TSNARE1: variants seen among roughly 807,000 people sequenced by gnomAD.
The protein encoded by TSNARE1 is t-SNARE domain containing 1.
A neutral mutation model predicts 62.0 loss-of-function variants in TSNARE1; 49 were observed. The observed-to-expected ratio is 0.79, with a 90% CI of 0.63 to 1.00. The LOEUF (loss-of-function observed/expected upper bound fraction) is 1.00, where lower values mean the gene tolerates loss of function less well. TSNARE1 is among the 50% of genes least tolerant of loss of function. TSNARE1 has a pLI of 0.00. For synonymous variants in TSNARE1, 328 were observed against 294.4 expected, an observed-to-expected ratio of 1.11 and a Z score of -1.17; for missense variants, 755 against 700.1, an observed-to-expected ratio of 1.08 and a Z score of -0.88.
At chr8:142,388,667 CTT>C (rs1375546652) in intron 1 of TSNARE1, among the ~76,000 whole-genome samples, 2 of 145,444 alleles carry the variant, frequency 1.4e-5, no homozygotes, top group South Asian at 2.2e-4. Flanking sequence ...AAATCATTCT[CTT>C]GACTCAGCCT....
chr8:142,271,779 G>C, intron 12 of TSNARE1: 1 of 925,164 alleles, frequency 1.1e-6, no homozygotes, highest in Non-Finnish European at 1.4e-6. Context: ...GAGTGCCCAT[G>C]TGAGGCCTCT....
intron 9 of TSNARE1, among the ~76,000 whole-genome samples, chr8:142,308,084 G>C (rs1024816024): frequency 1.3e-5 from 2 of 152,172 alleles, no homozygotes; most frequent in Middle Eastern, 3.2e-3. Context: ...TTTCAATAGA[G>C]TTGTCTGCCC....
chr8:142,305,432 G>C (rs1246838371), intron 9 of TSNARE1, among the ~76,000 whole-genome samples: 1 of 152,066 alleles, frequency 6.6e-6, no homozygotes, highest in African/African-American at 2.4e-5. Flanking sequence ...GGACACCCAG[G>C]AAGGCAGTCA....
chr8:142,391,068 GGGGGACTCTAACAGACGCTGTACACTGCT>G (rs1587133267), intron 1 of TSNARE1, among the ~76,000 whole-genome samples: 226 of 121,254 alleles, frequency 1.9e-3, no homozygotes, highest in Middle Eastern at 0.013. Context: ...TGTACACTGC[GGGGGACTCTAACAGACGCTGTACACTGCT>G]GGGGACTCTA....
At chr8:142,403,252 G>A (rs930785485), upstream of TSNARE1, 2 of 151,556 alleles carry the variant, frequency 1.3e-5, no homozygotes, top group Admixed American at 1.3e-4. Context: ...TCCCGGACGC[G>A]CGCGGGGACT....
At chr8:142,350,960 G>A (rs896433744) in intron 2 of TSNARE1, among the ~76,000 whole-genome samples, 4 of 152,230 alleles carry the variant, frequency 2.6e-5, no homozygotes, top group African/African-American at 9.6e-5. Context: ...CCTAGAGGCC[G>A]TCGGCCACTT....
chr8:142,288,610 C>T (rs893149056), intron 10 of TSNARE1, among the ~76,000 whole-genome samples: 10 of 152,228 alleles, frequency 6.6e-5, no homozygotes, highest in Non-Finnish European at 1.5e-4. Flanking sequence ...CCGGCACTCG[C>T]GGAGCCACCT....
At chr8:142,260,830 G>A (rs1818821934) in intron 12 of TSNARE1, among the ~76,000 whole-genome samples, 2 of 151,086 alleles carry the variant, frequency 1.3e-5, no homozygotes, top group Admixed American at 1.3e-4. Context: ...ATGTTCCACA[G>A]GGAGGGAGAC....
chr8:142,231,315 G>A (rs150978542), intron 12 of TSNARE1, among the ~76,000 whole-genome samples: 4 of 152,354 alleles, frequency 2.6e-5, no homozygotes, highest in African/African-American at 9.6e-5. Flanking sequence ...GCTTCACAGT[G>A]TGTGGCAGAT....
At chr8:142,381,990 C>T (rs942520453) in intron 1 of TSNARE1, among the ~76,000 whole-genome samples, 3 of 152,244 alleles carry the variant, frequency 2.0e-5, no homozygotes, top group Middle Eastern at 3.4e-3. Flanking sequence ...CCTCCTCTGA[C>T]GGGTACCTGA....
At chr8:142,251,239 C>T (rs1818147226) in intron 12 of TSNARE1, among the ~76,000 whole-genome samples, 1 of 151,626 alleles carries the variant, frequency 6.6e-6, no homozygotes, top group African/African-American at 2.4e-5. Context: ...GGCCCCCCTG[C>T]ACACCGCAGC....
At chr8:142,352,414 G>A (rs1219654196) in intron 2 of TSNARE1, among the ~76,000 whole-genome samples, 2 of 152,260 alleles carry the variant, frequency 1.3e-5, no homozygotes, top group African/African-American at 4.8e-5. Context: ...GAGGGCTCTG[G>A]GTGGGGCCCG....
rs78839994 is a variant in TSNARE1, at chr8:142,361,200, G to A, written c.-39-6437C>T. ...ACCTCTGACCCGGGCACCGTGGTGGGGACACAGCAGCTCCAGACAGGCCTG... is the reference window on the plus strand; with the variant it reads ...ACCTCTGACCCGGGCACCGTGGTGGAGACACAGCAGCTCCAGACAGGCCTG... On this transcript the variant is annotated intron_variant, in intron 1 of 13. Coordinates refer to ENST00000524325, the MANE Select transcript of TSNARE1 (RefSeq NM_145003.5). Among the ~76,000 whole-genome samples, 1,186 of 152,356 alleles carry A rather than the reference G, an allele frequency of 7.8e-3. 23 individuals are homozygous for A. The highest frequency in any genetic ancestry group is 0.027 in the African/African-American group (1,136 of 41,586).
At chr8:142,231,644 C>G (rs1404716086) in intron 12 of TSNARE1, among the ~76,000 whole-genome samples, 6 of 152,214 alleles carry the variant, frequency 3.9e-5, no homozygotes, top group African/African-American at 9.6e-5. Flanking sequence ...ATGGTCCCCT[C>G]ACCAGCATCG....
At chr8:142,359,172 T>G (rs1834972076) in intron 1 of TSNARE1, among the ~76,000 whole-genome samples, 1 of 151,986 alleles carries the variant, frequency 6.6e-6, no homozygotes, top group Non-Finnish European at 1.5e-5. Flanking sequence ...TCAACCCAGC[T>G]GTCCCACCGG....
intron 11 of TSNARE1, chr8:142,280,235 T>C (rs566349265): frequency 1.0e-6 from 1 of 985,292 alleles, no homozygotes; most frequent in African/African-American, 1.7e-5. Flanking sequence ...CGCAGGGGTG[T>C]GGAGCCCGGC....
rs550462525 is a variant in TSNARE1, at chr8:142,361,859, G to A, written c.-39-7096C>T. On this transcript the variant is annotated intron_variant, in intron 1 of 13. Transcript: ENST00000524325. ...AGTGGCCAGACCACAGCCAGACCCC[G>A]CTGCAGACCGCCGGGAGCCCTCAGC... Among the ~76,000 whole-genome samples the A allele has an allele frequency of 2.4e-4, 37 of 152,316 alleles. No homozygotes were observed. In the South Asian group the frequency reaches 7.0e-3, roughly 29 times the overall value.
chr8:142,241,223 ACAATGAACTATC>A (rs1173874215), intron 12 of TSNARE1, among the ~76,000 whole-genome samples: 2 of 152,226 alleles, frequency 1.3e-5, no homozygotes, highest in African/African-American at 4.8e-5. Flanking sequence ...CTATACACTA[ACAATGAACTATC>A]CACAAAAGAA....
intron 1 of TSNARE1, among the ~76,000 whole-genome samples, chr8:142,371,750 A>C (rs1835932585): frequency 6.6e-6 from 1 of 152,178 alleles, no homozygotes; most frequent in Non-Finnish European, 1.5e-5. Context: ...ACCATACGTG[A>C]GCTAAACGCC....
Sources: allele counts gnomAD v4.1 joint callset (sites outside exome capture counted in the v4.1 genomes callset), GRCh38; gene constraint gnomAD v4.1.1; transcripts MANE v1.5; gene names NCBI Gene and HGNC (gene_info 2026-07-23, HGNC 2026-07-21).